TUBD1: variants seen among roughly 807,000 people sequenced by gnomAD.
The protein encoded by TUBD1 is tubulin delta 1, also known as tubulin delta chain.
A neutral mutation model predicts 51.2 loss-of-function variants in TUBD1; 38 were observed. The observed-to-expected ratio is 0.74, with a 90% CI of 0.57 to 0.97. TUBD1 has a LOEUF of 0.97. Ranked by LOEUF, TUBD1 falls within the 50% of genes least tolerant of loss-of-function variation. The probability of loss-of-function intolerance (pLI) is 0.00; values close to 1 mark genes in which losing one functional copy is unlikely to be tolerated. For missense variants in TUBD1, 489 were observed against 538.4 expected, an observed-to-expected ratio of 0.91 and a Z score of 0.91; for synonymous variants, 169 against 178.2, an observed-to-expected ratio of 0.95 and a Z score of 0.41.
At chr17:59,879,770 A>G (rs1212625704) in intron 4 of TUBD1, among the ~76,000 whole-genome samples, 1 of 148,204 alleles carries the variant, frequency 6.7e-6, no homozygotes, top group Non-Finnish European at 1.5e-5. Context: ...TTTTTTTTTT[A>G]AGACGGGAGT....
In TUBD1 at chr17:59,881,019, T is replaced by C. The variant is rs1217427376; in HGVS notation, c.412A>G (p.Ile138Val). The C allele has an allele frequency of 1.2e-6, 2 of 1,614,062 alleles. No individual in the cohort carries two copies. The highest frequency in any genetic ancestry group is 2.7e-5 in the African/African-American group (2 of 74,936). Residue 138 changes from isoleucine (I) to valine (V), a missense_variant, in exon 4 of 9, where the codon ATC (isoleucine) becomes GTC (valine). Coordinates refer to ENST00000325752, the MANE Select transcript of TUBD1 (RefSeq NM_016261.4). Reference sequence around the variant, plus strand: ...GTGCCCCCAGCCATACTCATTATGATGAAAAAACCACTGAAAGAGTCACAT... The same window carrying C: ...GTGCCCCCAGCCATACTCATTATGACGAAAAAACCACTGAAAGAGTCACAT... ...EKCDSFSGFFIIMSMAGGTGS... is the reference protein window; with the variant it reads ...EKCDSFSGFFVIMSMAGGTGS...
At position 59,886,166 on chromosome 17, in the gene TUBD1, C is replaced by T; in HGVS notation, c.237G>A (p.Lys79=). The change falls in exon 3 of 9, where the codon AAG becomes AAA. Residue 79 remains lysine (K), a synonymous_variant. Transcript: ENST00000325752. ...ATTTCCATTGGCCAGACTGGGCAGCCTTTGACAGCATTTGATTGATAACTT... is the reference window on the plus strand; with the variant it reads ...ATTTCCATTGGCCAGACTGGGCAGCTTTTGACAGCATTTGATTGATAACTT... ...EPKVINQMLS[K]AAQSGQWKYG... is the part of the protein sequence containing the mutation. The T allele has an allele frequency of 6.2e-7, 1 of 1,613,836 alleles. No individual in the cohort carries two copies. Among genetic ancestry groups the T allele is most frequent in the Non-Finnish European group, 8.5e-7 (1 of 1,179,902 alleles).
rs2039843585 is a variant in TUBD1 at position 59,868,843 on chromosome 17, AAAT to A, written c.935-2097_935-2095del. On this transcript the variant is annotated intron_variant, in intron 6 of 8. Coordinates refer to ENST00000325752, the MANE Select transcript of TUBD1 (RefSeq NM_016261.4). ...GGAGCGAGACTCCATCTCAAAAAATAAATAAATAAATAAATAAATAAGAAAATT... is the reference window on the plus strand; with the variant it reads ...GGAGCGAGACTCCATCTCAAAAAATAAAATAAATAAATAAATAAGAAAATT... Among the ~76,000 whole-genome samples, 3 of 151,578 alleles carry A rather than the reference AAAT, an allele frequency of 2.0e-5. No homozygotes were observed. The Admixed American group carries it at 2.0e-4, about 10-fold the overall frequency.
intron 3 of TUBD1, among the ~76,000 whole-genome samples, chr17:59,884,186 G>A (rs1006130183): frequency 9.9e-5 from 15 of 151,504 alleles, no homozygotes; most frequent in African/African-American, 2.9e-4. Flanking sequence ...ACTTGAACCC[G>A]GGAGGCAGAG....
At chr17:59,885,460 G>A (rs1026402802) in intron 3 of TUBD1, 14 of 1,556,802 alleles carry the variant, frequency 9.0e-6, no homozygotes, top group Admixed American at 3.4e-5. Context: ...CTACCAGCCC[G>A]TGGGACCAAA....
At chr17:59,885,942 G>T in intron 3 of TUBD1, 141 bp downstream of exon 3, 1 of 918,564 alleles carries the variant, frequency 1.1e-6, no homozygotes, top group Non-Finnish European at 1.6e-6. Context: ...AGTTTCTTCT[G>T]GGTAAAATAA....
chr17:59,865,479 C>A (rs1462265727), intron 7 of TUBD1, among the ~76,000 whole-genome samples: 1 of 152,160 alleles, frequency 6.6e-6, no homozygotes, highest in East Asian at 1.9e-4. Flanking sequence ...ACTTGGGAGG[C>A]TGAGGCAGGA....
intron 4 of TUBD1, among the ~76,000 whole-genome samples, chr17:59,879,847 G>A (rs1191416701): frequency 5.3e-5 from 8 of 149,594 alleles, no homozygotes; most frequent in South Asian, 2.1e-4. Flanking sequence ...TCTGTCTCCC[G>A]GGTTCAAGAG....
At chr17:59,886,339 T>C in intron 2 of TUBD1, 109 bp from the exon 3 acceptor site, 1 of 937,768 alleles carries the variant, frequency 1.1e-6, no homozygotes, top group East Asian at 2.7e-5. Flanking sequence ...AAAAAAAAAA[T>C]TCCAGGGGTT....
In TUBD1 at chr17:59,881,058, TC is replaced by T. The variant is rs746206655; in HGVS notation, c.372del (p.Lys125ArgfsTer15). 6.2e-7 allele frequency: 1 copy of T among 1,614,026 alleles called. No individual in the cohort carries two copies. Among genetic ancestry groups the T allele is most frequent in the African/African-American group, 1.3e-5 (1 of 74,902 alleles). ...RHEESIMNIIRKEVEKCDSFS... is the reference protein window; with the variant it reads ...RHEESIMNIIXKEVEKCDSFS... ...AAAGAGTCACATTTCTCCACTTCCT[TC>T]CGGATTATGTTCATTATAGATTCTT... is the stretch of plus-strand genomic sequence containing the variant. On this transcript the variant is annotated frameshift_variant, in exon 4 of 9. Transcript: ENST00000325752. LOFTEE classifies it high-confidence loss of function.
At chr17:59,868,283 C>CAA (rs11401623) in intron 6 of TUBD1, among the ~76,000 whole-genome samples, 2,863 of 48,936 alleles carry the variant, frequency 0.059, 335 homozygotes, top group African/African-American at 0.19. Context: ...GACTCCATGT[C>CAA]AAAAAAAAAA....
At chr17:59,867,790 G>C (rs995178106) in intron 6 of TUBD1, among the ~76,000 whole-genome samples, 10 of 152,034 alleles carry the variant, frequency 6.6e-5, no homozygotes, top group Non-Finnish European at 1.3e-4. Context: ...AGTGTACTGT[G>C]CATGTGGGAG....
Position 59,866,628 on chromosome 17 carries a change from A to G in TUBD1, c.1056T>C (p.Asp352=), listed in dbSNP as rs759672825. The G allele has an allele frequency of 1.2e-5, 19 of 1,614,018 alleles. No individual in the cohort carries two copies. Among genetic ancestry groups the G allele is most frequent in the Non-Finnish European group, 1.6e-5 (19 of 1,180,006 alleles). Reference sequence around the variant, plus strand: ...TCTTACCCACATCTGCACTTTGCACATCTTTCCCACGAAGAATGACCAAGT... The same window carrying G: ...TCTTACCCACATCTGCACTTTGCACGTCTTTCCCACGAAGAATGACCAAGT... The part of the protein sequence containing the change: ...IANLVILRGK[D]VQSADVEGFK... The change falls in exon 7 of 9, where the codon GAT becomes GAC. Residue 352 remains aspartate (D), a synonymous_variant. Coordinates refer to ENST00000325752, the MANE Select transcript of TUBD1 (RefSeq NM_016261.4).
At chr17:59,885,846 A>C (rs1378686300) in intron 3 of TUBD1, among the ~76,000 whole-genome samples, 2 of 152,180 alleles carry the variant, frequency 1.3e-5, no homozygotes, top group Non-Finnish European at 2.9e-5. Context: ...GCAGCATGAC[A>C]GTGAGAAGAT....
chr17:59,861,711 G>A (rs929176988), intron 8 of TUBD1, among the ~76,000 whole-genome samples: 1 of 151,036 alleles, frequency 6.6e-6, no homozygotes, highest in East Asian at 2.0e-4. Flanking sequence ...ACTGTTGCCT[G>A]GGCTGGAGTG....
chr17:59,869,883 C>T (rs2039899365), intron 6 of TUBD1, among the ~76,000 whole-genome samples: 1 of 152,118 alleles, frequency 6.6e-6, no homozygotes, highest in African/African-American at 2.4e-5. Context: ...TCCTGCCACT[C>T]TCTCTCCAGA....
Position 59,870,632 on chromosome 17 carries a change from G to GTAAC in TUBD1, c.935-3887_935-3884dup, listed in dbSNP as rs531408834. Among the ~76,000 whole-genome samples, 5 of 152,244 alleles carry GTAAC rather than the reference G, an allele frequency of 3.3e-5. No individual in the cohort carries two copies. The East Asian group carries it at 7.7e-4, about 24-fold the overall frequency. The stretch of plus-strand genomic sequence containing the variant: ...GAAGTAGCAGCTTTCGCAGGAAAGT[G>GTAAC]TAACAGTCCATGTCTTCCCCGTCCA... On this transcript the variant is annotated intron_variant, in intron 6 of 8. Coordinates refer to ENST00000325752, the MANE Select transcript of TUBD1 (RefSeq NM_016261.4).
chr17:59,886,869 G>A (rs973361180), intron 2 of TUBD1, among the ~76,000 whole-genome samples: 3 of 151,342 alleles, frequency 2.0e-5, no homozygotes, highest in Non-Finnish European at 4.4e-5. Context: ...TGGCCAACAT[G>A]GTGAAATCCC....
Position 59,863,644 on chromosome 17 carries a change from T to C in TUBD1, c.1259+20A>G. ...AAAAAAAAAAAAAAAGAAAGGTTTG[T>C]AGACTTATTTTATACTTACTTTGAA... On this transcript the variant is annotated intron_variant, in intron 8 of 8. Transcript: ENST00000325752. The C allele has an allele frequency of 6.8e-7, 1 of 1,481,466 alleles. No homozygotes were observed. Among genetic ancestry groups the C allele is most frequent in the Middle Eastern group, 1.9e-4 (1 of 5,404 alleles). 91.8% of individuals were successfully genotyped at this position (1,481,466 alleles called of 1,614,324 possible).
Sources: allele counts gnomAD v4.1 joint callset (sites outside exome capture counted in the v4.1 genomes callset), GRCh38; gene constraint gnomAD v4.1.1; transcripts MANE v1.5; gene names NCBI Gene and HGNC (gene_info 2026-07-23, HGNC 2026-07-21).